Variants in PTPN4 observed in about 807,000 individuals in gnomAD.
PTPN4 encodes protein tyrosine phosphatase non-receptor type 4, also known as tyrosine-protein phosphatase non-receptor type 4.
In PTPN4, 49 loss-of-function variants were observed where a neutral mutation model predicts 135.5. The observed-to-expected ratio is 0.36, with a 90% CI of 0.29 to 0.46. The LOEUF (loss-of-function observed/expected upper bound fraction) is 0.46, where lower values mean the gene tolerates loss of function less well. Ranked by LOEUF, PTPN4 falls within the 20% of genes least tolerant of loss-of-function variation. The pLI is 1.00. For missense variants in PTPN4, 860 were observed against 1,101.0 expected, an observed-to-expected ratio of 0.78 and a Z score of 3.10; for synonymous variants, 333 against 369.9, an observed-to-expected ratio of 0.90 and a Z score of 1.14.
intron 1 of PTPN4, among the ~76,000 whole-genome samples, chr2:119,808,397 A>G (rs1036019972): frequency 2.0e-5 from 3 of 152,192 alleles, no homozygotes; most frequent in Non-Finnish European, 4.4e-5. Flanking sequence ...TACAAAATCA[A>G]TGTGCAAAAA....
At chr2:119,966,933 G>A (rs1393893177) in intron 25 of PTPN4, among the ~76,000 whole-genome samples, 1 of 152,324 alleles carries the variant, frequency 6.6e-6, no homozygotes, top group East Asian at 1.9e-4. Flanking sequence ...GATTTATTCA[G>A]AGGATATCTT....
chr2:119,803,443 G>C (rs1011363198), intron 1 of PTPN4, among the ~76,000 whole-genome samples: 15 of 152,090 alleles, frequency 9.9e-5, no homozygotes, highest in Admixed American at 3.3e-4. Context: ...GGATAACGTA[G>C]ACTTGTTTAG....
chr2:119,789,684 T>G (rs971977190), intron 1 of PTPN4, among the ~76,000 whole-genome samples: 2 of 152,194 alleles, frequency 1.3e-5, no homozygotes, highest in Non-Finnish European at 2.9e-5. Context: ...TATTTTTCAC[T>G]TTCTTGTAAA....
intron 22 of PTPN4, 135 bp downstream of exon 22, chr2:119,957,212 T>C (rs1679301843): frequency 3.7e-6 from 3 of 809,720 alleles, no homozygotes; most frequent in East Asian, 2.7e-5. Context: ...ATTGAAGTAA[T>C]ATTAAAGAAA....
intron 2 of PTPN4, among the ~76,000 whole-genome samples, chr2:119,852,989 C>G (rs1289717706): frequency 6.6e-6 from 1 of 152,172 alleles, no homozygotes; most frequent in African/African-American, 2.4e-5. Context: ...ACAGAACACA[C>G]TATGTGATTT....
At chr2:119,942,227 T>G (rs573576236) in intron 15 of PTPN4, among the ~76,000 whole-genome samples, 20 of 152,264 alleles carry the variant, frequency 1.3e-4, no homozygotes, top group Non-Finnish European at 2.6e-4. Context: ...TTCAACAGTT[T>G]TAGCAAAATG....
intron 1 of PTPN4, among the ~76,000 whole-genome samples, chr2:119,790,240 A>G (rs560144222): frequency 2.0e-5 from 3 of 151,914 alleles, no homozygotes; most frequent in Non-Finnish European, 2.9e-5. Context: ...TTGGTTTATA[A>G]TGTTGTTCAA....
chr2:119,810,654 C>T (rs1379293604), intron 2 of PTPN4, among the ~76,000 whole-genome samples: 1 of 152,100 alleles, frequency 6.6e-6, no homozygotes. Flanking sequence ...TGTGAACATT[C>T]TTGTACATAT....
chr2:119,802,027 A>G (rs1483441611), intron 1 of PTPN4, among the ~76,000 whole-genome samples: 1 of 150,280 alleles, frequency 6.7e-6, no homozygotes, highest in Non-Finnish European at 1.5e-5. Flanking sequence ...CAGTCTCCCA[A>G]GTAGCTGGGA....
rs774311430 is a variant in PTPN4, at chr2:119,956,944, T to C, written c.2071+10T>C. On this transcript the variant is annotated intron_variant, in intron 21 of 26. Transcript: ENST00000263708. ...AGAGATATTTCGCCTTGTAAGTATC[T>C]TATTGTCTCTGTTAAATTTAATCTT... 1.9e-6 allele frequency: 3 copies of C among 1,604,966 alleles called. No homozygotes were observed. The highest frequency in any genetic ancestry group is 2.5e-6 in the Non-Finnish European group (3 of 1,177,834).
intron 8 of PTPN4, among the ~76,000 whole-genome samples, chr2:119,884,244 G>T (rs181008276): frequency 4.6e-5 from 7 of 152,316 alleles, no homozygotes. Context: ...TTGTTATGTA[G>T]ATTTTAAGTG....
chr2:119,831,144 T>A (rs1269923887), intron 2 of PTPN4, among the ~76,000 whole-genome samples: 1 of 152,122 alleles, frequency 6.6e-6, no homozygotes, highest in African/African-American at 2.4e-5. Context: ...GCAACCTAGA[T>A]CCCTTTCATG....
chr2:119,767,965 T>C (rs934501104), intron 1 of PTPN4, among the ~76,000 whole-genome samples: 1 of 152,230 alleles, frequency 6.6e-6, no homozygotes, highest in African/African-American at 2.4e-5. Flanking sequence ...CTGAAGGCTG[T>C]AACCACGAGC....
intron 3 of PTPN4, among the ~76,000 whole-genome samples, chr2:119,867,504 C>G (rs1677850056): frequency 6.6e-6 from 1 of 152,102 alleles, no homozygotes; most frequent in African/African-American, 2.4e-5. Context: ...AAAAAACATG[C>G]AAATAGTATT....
At chr2:119,952,944 T>C (rs1272114620) in intron 19 of PTPN4, among the ~76,000 whole-genome samples, 1 of 152,194 alleles carries the variant, frequency 6.6e-6, no homozygotes, top group Non-Finnish European at 1.5e-5. Flanking sequence ...CTTTCTTCAG[T>C]CCTGCTCCTA....
chr2:119,807,826 A>G (rs1220949550), intron 1 of PTPN4, among the ~76,000 whole-genome samples: 2 of 152,258 alleles, frequency 1.3e-5, no homozygotes, highest in Non-Finnish European at 2.9e-5. Flanking sequence ...AAAATCCTCA[A>G]TAAAATACTG....
At position 119,920,138 on chromosome 2, in the gene PTPN4, G is replaced by A; in HGVS notation, c.898G>A (p.Ala300Thr). ...NYRACKNLWK[A>T]CVEHHTFFRL... is the part of the protein sequence containing the mutation. The stretch of plus-strand genomic sequence containing the variant: ...CAGAGCATGTAAAAATTTGTGGAAA[G>A]CATGTGTAGAACATCACACATTCTT... Residue 300 changes from alanine to threonine, a missense_variant, in exon 12 of 27, where the codon GCA becomes ACA. By Grantham distance (58) the Ala-to-Thr change is moderately conservative (BLOSUM62 0). Transcript: ENST00000263708. 2 of 1,613,296 alleles carry A rather than the reference G, an allele frequency of 1.2e-6. No individual in the cohort carries two copies. The highest frequency in any genetic ancestry group is 1.7e-6 in the Non-Finnish European group (2 of 1,179,720).
At chr2:119,765,768 G>T (rs937001564) in intron 1 of PTPN4, among the ~76,000 whole-genome samples, 2 of 152,186 alleles carry the variant, frequency 1.3e-5, no homozygotes, top group Non-Finnish European at 1.5e-5. Flanking sequence ...AGGATCATTT[G>T]GAATTGATCT....
intron 12 of PTPN4, among the ~76,000 whole-genome samples, chr2:119,921,665 G>A (rs1464694266): frequency 1.3e-5 from 2 of 149,662 alleles, no homozygotes; most frequent in Admixed American, 6.7e-5. Flanking sequence ...AGTAAAGTAA[G>A]ATGACAGTAC....
Sources: gnomAD v4.1 joint callset for allele counts (sites outside exome capture counted in the v4.1 genomes callset) on GRCh38, gnomAD v4.1.1 for gene constraint, MANE v1.5 for transcripts, NCBI Gene and HGNC (gene_info 2026-07-23, HGNC 2026-07-21) for gene names.